ANK1: variants seen among roughly 807,000 people sequenced by gnomAD.
The protein encoded by ANK1 is ankyrin-1.
A neutral mutation model predicts 210.4 loss-of-function variants in ANK1; 51 were observed. That is an observed-to-expected ratio of 0.24 (90% CI 0.19 to 0.31). The LOEUF (loss-of-function observed/expected upper bound fraction) is 0.31, where lower values mean the gene tolerates loss of function less well. ANK1 is among the 10% of genes least tolerant of loss of function. The pLI, the probability that ANK1 is intolerant of heterozygous loss-of-function variation, is 1.00. For synonymous variants in ANK1, 967 were observed against 1,025.9 expected, an observed-to-expected ratio of 0.94 and a Z score of 1.10; for missense variants, 2,051 against 2,504.4, an observed-to-expected ratio of 0.82 and a Z score of 3.86.
chr8:41,659,698 G>A (rs897559112), intron 42 of ANK1, among the ~76,000 whole-genome samples: 3 of 93,236 alleles, frequency 3.2e-5, no homozygotes, highest in Non-Finnish European at 4.4e-5. Context: ...TCGCCCCACC[G>A]CCCCACCCCC....
chr8:41,751,305 C>T (rs1175946419), intron 2 of ANK1, among the ~76,000 whole-genome samples: 2 of 152,186 alleles, frequency 1.3e-5, no homozygotes, highest in South Asian at 2.1e-4. Flanking sequence ...CTATGCCAGG[C>T]GCTGTGGAGA....
chr8:41,796,934 C>G (rs376621869), intron 1 of ANK1, among the ~76,000 whole-genome samples: 95 of 152,128 alleles, frequency 6.2e-4, no homozygotes, highest in Middle Eastern at 3.4e-3. Context: ...TCTCCCCAGG[C>G]CACGCCGCCG....
intron 2 of ANK1, among the ~76,000 whole-genome samples, chr8:41,748,500 C>G (rs889148748): frequency 2.0e-5 from 3 of 152,210 alleles, no homozygotes; most frequent in African/African-American, 7.2e-5. Flanking sequence ...CCCAACCTCC[C>G]CGAACTGCCC....
chr8:41,872,348 G>A (rs558330927), intron 1 of ANK1, among the ~76,000 whole-genome samples: 3 of 152,268 alleles, frequency 2.0e-5, no homozygotes, highest in Admixed American at 6.5e-5. Flanking sequence ...ACTTCCTGCC[G>A]GGCCCTAAGG....
chr8:41,796,634 C>T (rs1201160224), intron 1 of ANK1, among the ~76,000 whole-genome samples: 1 of 150,940 alleles, frequency 6.6e-6, no homozygotes, highest in Non-Finnish European at 1.5e-5. Context: ...TTCCTCTGCA[C>T]CCAGCGACTT....
intron 1 of ANK1, among the ~76,000 whole-genome samples, chr8:41,827,671 C>T (rs1016320900): frequency 6.6e-6 from 1 of 151,064 alleles, no homozygotes; most frequent in Non-Finnish European, 1.5e-5. Context: ...TCTCCACACA[C>T]ATCCCCTCAT....
intron 1 of ANK1, among the ~76,000 whole-genome samples, chr8:41,851,861 AT>A (rs1205368247): frequency 1.3e-5 from 2 of 151,898 alleles, no homozygotes; most frequent in South Asian, 2.1e-4. Context: ...GTCTCTATTA[AT>A]TTTTTTTAAG....
chr8:41,802,995 G>GAAAGAA lies in ANK1; in HGVS notation c.127-44859_127-44858insTTCTTT, dbSNP rs1554630755. 1.9e-4 allele frequency among the ~76,000 whole-genome samples: 11 copies of GAAAGAA among 57,492 alleles called. 1 individual carries two copies. The highest frequency in any genetic ancestry group is 6.4e-4 in the Admixed American group (3 of 4,698). 37.7% of individuals were successfully genotyped at this position (57,492 alleles called of 152,430 possible). A position where few individuals can be genotyped will look rare whatever the true frequency, so the allele number is the denominator to read the frequency against. On this transcript the variant is annotated intron_variant, in intron 1 of 42. Coordinates refer to the ANK1 transcript ENST00000265709. ...AGATGAAAAAAGAAAGAGAGAAAGA[G>GAAAGAA]AGAAAGAAAGAAAGAAAGAAAGAAA...
In ANK1 at chr8:41,715,655, G is replaced by T; in HGVS notation, c.1599C>A (p.Thr533=). 6.2e-7 allele frequency: 1 copy of T among 1,613,234 alleles called. No homozygotes were observed. Among genetic ancestry groups the T allele is most frequent in the Non-Finnish European group, 8.5e-7 (1 of 1,179,946 alleles). ...LEKEASQACM[T]KKGFTPLHVA... ...ACCACGAGGCGGGAGGCTGTACCTT[G>T]GTCATGCAGGCCTGGGATGCTTCCT... The change falls in exon 14 of 43, where the codon ACC becomes ACA. Residue 533 remains threonine, a synonymous_variant. Coordinates refer to ENST00000289734, the MANE Select transcript of ANK1 (RefSeq NM_000037.4).
Position 41,698,035 on chromosome 8 carries a change from C to G in ANK1, c.2637+8G>C, listed in dbSNP as rs751979232. 1.9e-6 allele frequency: 3 copies of G among 1,613,906 alleles called. No individual in the cohort carries two copies. The highest frequency in any genetic ancestry group is 2.5e-6 in the Non-Finnish European group (3 of 1,179,906). On this transcript the variant is annotated splice_region_variant and intron_variant, in intron 24 of 42. Transcript: ENST00000289734. ...ATGTGGGGAAACCACAGAGAAGGAG[C>G]TTCTCACCTGCTCCTGCTCTTCTGA...
At chr8:41,780,626 C>T (rs1169450892) in intron 1 of ANK1, among the ~76,000 whole-genome samples, 3 of 152,208 alleles carry the variant, frequency 2.0e-5, no homozygotes, top group East Asian at 1.9e-4. Flanking sequence ...GCCTTGGCAG[C>T]GCTGGCCGCC....
At chr8:41,709,552 G>A (rs1825598765) in intron 16 of ANK1, among the ~76,000 whole-genome samples, 1 of 152,258 alleles carries the variant, frequency 6.6e-6, no homozygotes, top group South Asian at 2.1e-4. Context: ...GTCATGAAAA[G>A]TGGATAATAG....
intron 18 of ANK1, among the ~76,000 whole-genome samples, chr8:41,705,562 G>A (rs945132946): frequency 3.3e-5 from 5 of 152,150 alleles, no homozygotes; most frequent in African/African-American, 1.2e-4. Context: ...TCCCTTGTGG[G>A]GAAAAGAAAC....
chr8:41,870,085 T>C (rs975988468), intron 1 of ANK1, among the ~76,000 whole-genome samples: 2 of 151,890 alleles, frequency 1.3e-5, no homozygotes, highest in African/African-American at 4.8e-5. Context: ...ATTCAGGCGG[T>C]TCAAGGACCC....
chr8:41,818,573 G>GTCTT lies in ANK1; in HGVS notation c.127-60440_127-60437dup, dbSNP rs143734244. Among the ~76,000 whole-genome samples the GTCTT allele has an allele frequency of 9.9e-3, 1,504 of 151,706 alleles. 26 individuals carry two copies. The highest frequency in any genetic ancestry group is 0.03 in the East Asian group (155 of 5,150). On this transcript the variant is annotated intron_variant, in intron 1 of 42. Transcript: ENST00000265709. ...CAGAGGTAGTGACTCAAACCAATAA[G>GTCTT]TCTTTCTTTCTTTCTTTCTTTCTTT...
chr8:41,688,540 C>A lies in ANK1; in HGVS notation c.4154G>T (p.Arg1385Leu), dbSNP rs1431339388. The A allele has an allele frequency of 1.9e-6, 3 of 1,614,086 alleles. No homozygotes were observed. The South Asian group carries it at 3.3e-5, about 18-fold the overall frequency. The change falls in exon 34 of 43, where the codon CGA becomes CTA. Residue 1385 changes from arginine to leucine, a missense_variant. Physicochemically the swap from Arg to Leu is moderately radical, Grantham distance 102. Transcript: ENST00000289734. ...RRRTPTPLAL[R>L]YSILSESTPG... is the part of the protein sequence containing the mutation. Reference sequence around the variant, plus strand: ...TGTGGACTCACTGAGAATGCTGTATCGCAGGGCCAGGGGCGTCGGGGTCCT... The same window carrying A: ...TGTGGACTCACTGAGAATGCTGTATAGCAGGGCCAGGGGCGTCGGGGTCCT...
chr8:41,778,393 G>A (rs567469924), intron 1 of ANK1, among the ~76,000 whole-genome samples: 2 of 152,192 alleles, frequency 1.3e-5, no homozygotes, highest in Non-Finnish European at 2.9e-5. Context: ...CAGCACTGGG[G>A]GCATCTTTGA....
chr8:41,810,730 G>A (rs1015651591), intron 1 of ANK1, among the ~76,000 whole-genome samples: 5 of 152,228 alleles, frequency 3.3e-5, no homozygotes, highest in African/African-American at 9.6e-5. Flanking sequence ...CCAAAAGCGC[G>A]GAGAACAGGC....
intron 1 of ANK1, among the ~76,000 whole-genome samples, chr8:41,853,889 G>A (rs554428586): frequency 2.0e-5 from 3 of 152,220 alleles, no homozygotes; most frequent in African/African-American, 7.2e-5. Context: ...GTCTCTCAAA[G>A]CACTCGGATT....
Sources: gnomAD v4.1 joint callset for allele counts (sites outside exome capture counted in the v4.1 genomes callset) on GRCh38, gnomAD v4.1.1 for gene constraint, MANE v1.5 for transcripts, NCBI Gene and HGNC (gene_info 2026-07-23, HGNC 2026-07-21) for gene names.